Variants in ZNF202 observed in about 807,000 individuals in gnomAD.
The protein encoded by ZNF202 is zinc finger protein with KRAB and SCAN domains 10.
A neutral mutation model predicts 54.5 loss-of-function variants in ZNF202; 22 were observed. The ratio of observed to expected loss-of-function variants is 0.40; its 90% CI spans 0.29 to 0.58. The LOEUF is 0.58. Ranked by LOEUF, ZNF202 falls within the 20% of genes least tolerant of loss-of-function variation. The probability of loss-of-function intolerance (pLI) is 0.39; values close to 1 mark genes in which losing one functional copy is unlikely to be tolerated. For synonymous variants in ZNF202, 294 were observed against 301.4 expected, an observed-to-expected ratio of 0.98 and a Z score of 0.26; for missense variants, 644 against 805.5, an observed-to-expected ratio of 0.80 and a Z score of 2.43.
rs1861127348 is a variant in ZNF202 at position 123,726,221 on chromosome 11, T to C, written c.1723A>G (p.Thr575Ala). 1 of 1,614,168 alleles carries C rather than the reference T, an allele frequency of 6.2e-7. No individual in the cohort carries two copies. Among genetic ancestry groups the C allele is most frequent in the Non-Finnish European group, 8.5e-7 (1 of 1,180,030 alleles). ...TGCTTGGCGAACGCTGCGCTGTGGG[T>C]GAAGCAGCGCCCGCACTCGCTGCAG... Reference protein sequence around the residue: ...YLCSECGRCFTHSAAFAKHLR... With the variant: ...YLCSECGRCFAHSAAFAKHLR... Residue 575 changes from threonine to alanine, a missense_variant, in exon 9 of 9, where the codon ACC becomes GCC. Physicochemically the swap from Thr to Ala is moderately conservative, Grantham distance 58. Coordinates refer to ENST00000530393, the MANE Select transcript of ZNF202 (RefSeq NM_003455.4). The surrounding 1 kb of genome is among the most constrained non-coding windows in gnomAD (Gnocchi z 6.0).
In ZNF202 at chr11:123,725,961, A is replaced by G; in HGVS notation, c.*36T>C. The stretch of plus-strand genomic sequence containing the variant: ...TCCTCTTCCTCACCTCCCTTAGGTG[A>G]GGGCTGAAAGCAGATCTCCTCACAT... On this transcript the variant is annotated 3_prime_UTR_variant, in exon 9 of 9. Transcript: ENST00000530393. 1 of 1,574,538 alleles carries G rather than the reference A, an allele frequency of 6.4e-7. No individual in the cohort carries two copies.
Position 123,730,306 on chromosome 11 carries a change from T to C in ZNF202, c.402+181A>G, listed in dbSNP as rs1861350476. On this transcript the variant is annotated intron_variant, in intron 4 of 8. Transcript: ENST00000530393. This position sits in a 1 kb window ranked among gnomAD's most constrained non-coding sequence, Gnocchi z 6.0. ...TGGTCCCTATACAGGTGTTCCAATATCCAGAAAGTCACATTCATACACACA... is the reference window on the plus strand; with the variant it reads ...TGGTCCCTATACAGGTGTTCCAATACCCAGAAAGTCACATTCATACACACA... Among the ~76,000 whole-genome samples the C allele has an allele frequency of 6.6e-6, 1 of 152,076 alleles. No individual in the cohort carries two copies. The highest frequency in any genetic ancestry group is 2.4e-5 in the African/African-American group (1 of 41,418).
chr11:123,737,533 T>G (rs1207432607), intron 3 of ZNF202, among the ~76,000 whole-genome samples: 1 of 152,132 alleles, frequency 6.6e-6, no homozygotes, highest in East Asian at 1.9e-4. Flanking sequence ...AAGTATGTAG[T>G]GGATAGTACA....
chr11:123,728,900 T>C (rs564986812), intron 6 of ZNF202, among the ~76,000 whole-genome samples: 99 of 152,328 alleles, frequency 6.5e-4, no homozygotes, highest in Non-Finnish European at 1.2e-3. Flanking sequence ...CCCATTTTGT[T>C]AGTTCTTCTA....
chr11:123,741,378 C>T (rs992808999), intron 1 of ZNF202, among the ~76,000 whole-genome samples, 171 bp downstream of exon 1: 2 of 152,114 alleles, frequency 1.3e-5, no homozygotes, highest in African/African-American at 4.8e-5. Context: ...AACGTCTCGG[C>T]ACCCTCAGTA....
Position 123,725,704 on chromosome 11 carries a change from A to C in ZNF202, c.*293T>G. 1 of 344,082 alleles carries C rather than the reference A, an allele frequency of 2.9e-6. No individual in the cohort carries two copies. Among genetic ancestry groups the C allele is most frequent in the Non-Finnish European group, 5.3e-6 (1 of 188,518 alleles). The allele number at this position is 344,082 out of a possible 1,614,324, so 21.3% of individuals were successfully genotyped here. On this transcript the variant is annotated 3_prime_UTR_variant, in exon 9 of 9. Transcript: ENST00000530393. ...GACGATATAGGAACCACGACCTCTT[A>C]AGTCTCTTAGTTCTCCTACTTTATA...
intron 3 of ZNF202, among the ~76,000 whole-genome samples, chr11:123,732,613 C>T (rs879545203): frequency 2.0e-5 from 3 of 152,132 alleles, no homozygotes; most frequent in Non-Finnish European, 4.4e-5. Flanking sequence ...TAAGTCCTCC[C>T]GTAGTGACCT....
intron 6 of ZNF202, 103 bp downstream of exon 6, chr11:123,729,023 G>T: frequency 1.7e-6 from 2 of 1,155,144 alleles, no homozygotes. Context: ...GCTTAAAACT[G>T]GCAAGAGTGT....
At chr11:123,737,757 G>C (rs570095232) in intron 3 of ZNF202, among the ~76,000 whole-genome samples, 177 of 152,314 alleles carry the variant, frequency 1.2e-3, no homozygotes, top group Non-Finnish European at 1.9e-3. Context: ...TGCCTTCGGC[G>C]GAGGGTGACC....
rs559515955 is a variant in ZNF202, at chr11:123,736,795, T to C, written c.-98+3322A>G. Among the ~76,000 whole-genome samples the C allele has an allele frequency of 3.3e-5, 5 of 152,262 alleles. No individual in the cohort carries two copies. The East Asian group carries it at 9.7e-4, about 29-fold the overall frequency. On this transcript the variant is annotated intron_variant, in intron 3 of 8. Transcript: ENST00000530393. ...TCAAAAATGTGGCTAATACTACTTATCTCATGTGGTTGTTTTAAGGAGTAA... is the reference window on the plus strand; with the variant it reads ...TCAAAAATGTGGCTAATACTACTTACCTCATGTGGTTGTTTTAAGGAGTAA...
chr11:123,732,428 A>C (rs1266858791), intron 3 of ZNF202, among the ~76,000 whole-genome samples: 3 of 152,218 alleles, frequency 2.0e-5, no homozygotes, highest in Non-Finnish European at 1.5e-5. Context: ...GTGTACATGC[A>C]AAGCACACAA....
Position 123,726,925 on chromosome 11 carries a change from C to T in ZNF202, c.1019G>A (p.Arg340Lys), listed in dbSNP as rs1185912007. ...QEDLSLEDIH[R>K]PVLGEPEIHQ... ...AATTTCTGGTTCTCCCAAAACAGGC[C>T]TGTGTATATCCTCCAAACTCAGATC... Residue 340 changes from arginine (R) to lysine (K), a missense_variant, in exon 9 of 9, where the codon AGG (arginine) becomes AAG (lysine). This residue lies in a region of ZNF202 where 536 missense variants were observed against 635.3 expected (regional missense o/e 0.84). Coordinates refer to ENST00000530393, the MANE Select transcript of ZNF202 (RefSeq NM_003455.4). This position sits in a 1 kb window ranked among gnomAD's most constrained non-coding sequence, Gnocchi z 6.0. 1 of 1,613,930 alleles carries T rather than the reference C, an allele frequency of 6.2e-7. No individual in the cohort carries two copies. The highest frequency in any genetic ancestry group is 2.2e-5 in the East Asian group (1 of 44,890).
In ZNF202 at chr11:123,727,878, G is replaced by A. The variant is rs545441700; in HGVS notation, c.832+255C>T. Among the ~76,000 whole-genome samples the A allele has an allele frequency of 4.1e-4, 62 of 152,256 alleles. 1 individual carries two copies. The South Asian group carries it at 0.012, about 30-fold the overall frequency. ...CAACTCTTACTGTTTTAAAACTCAT[G>A]TGCTTACTTCAAATATTTCTGCACT... On this transcript the variant is annotated intron_variant, in intron 7 of 8. Transcript: ENST00000530393.
intron 3 of ZNF202, among the ~76,000 whole-genome samples, chr11:123,737,598 C>G (rs1333231971): frequency 6.6e-6 from 1 of 151,992 alleles, no homozygotes; most frequent in Non-Finnish European, 1.5e-5. Flanking sequence ...TGGTTAGCCT[C>G]AAGATATTAG....
Position 123,724,773 on chromosome 11 carries a change from A to C in ZNF202, c.*1224T>G, listed in dbSNP as rs925818360. 4 of 152,214 alleles carry C rather than the reference A, an allele frequency of 2.6e-5. No individual in the cohort carries two copies. The highest frequency in any genetic ancestry group is 5.9e-5 in the Non-Finnish European group (4 of 68,050). 9.4% of individuals were successfully genotyped at this position (152,214 alleles called of 1,614,324 possible). On this transcript the variant is annotated 3_prime_UTR_variant, in exon 9 of 9. Coordinates refer to ENST00000530393, the MANE Select transcript of ZNF202 (RefSeq NM_003455.4). ...AAAATCACGTAAGAAAAAGCAAACA[A>C]CACAAATACATGAAAGCCATTTACT...
Position 123,725,949 on chromosome 11 carries a change from C to T in ZNF202, c.*48G>A, listed in dbSNP as rs760103204. ...CAAGAGGGCTTTTCCTCTTCCTCAC[C>T]TCCCTTAGGTGAGGGCTGAAAGCAG... On this transcript the variant is annotated 3_prime_UTR_variant, in exon 9 of 9. Coordinates refer to ENST00000530393, the MANE Select transcript of ZNF202 (RefSeq NM_003455.4). The T allele has an allele frequency of 1.3e-6, 2 of 1,550,038 alleles. No individual in the cohort carries two copies. Among genetic ancestry groups the T allele is most frequent in the Non-Finnish European group, 8.7e-7 (1 of 1,150,100 alleles).
rs1316715914 is a variant in ZNF202 at position 123,730,400 on chromosome 11, G to A, written c.402+87C>T. 12 of 1,456,400 alleles carry A rather than the reference G, an allele frequency of 8.2e-6. No homozygotes were observed. Among genetic ancestry groups the A allele is most frequent in the Non-Finnish European group, 8.2e-6 (9 of 1,101,274 alleles). The allele number at this position is 1,456,400 out of a possible 1,614,324, so 90.2% of individuals were successfully genotyped here. A position where few individuals can be genotyped will look rare whatever the true frequency, so the allele number is the denominator to read the frequency against. On this transcript the variant is annotated intron_variant, in intron 4 of 8. Transcript: ENST00000530393. The surrounding 1 kb of genome is among the most constrained non-coding windows in gnomAD (Gnocchi z 6.0). ...GGGCAGAGCCCACTAATAATTTATG[G>A]GGATCCTGCAAGCTCTCCCCGCAAA...
At chr11:123,728,291 C>T (rs749830371) in intron 6 of ZNF202, 29 bp from the exon 7 acceptor site, 12 of 1,588,722 alleles carry the variant, frequency 7.6e-6, no homozygotes, top group East Asian at 2.3e-5. Context: ...TTCATCAAAA[C>T]GTGATGCTAC....
chr11:123,728,181 A>G lies in ZNF202; in HGVS notation c.784T>C (p.Tyr262His). 6.2e-7 allele frequency: 1 copy of G among 1,613,118 alleles called. No individual in the cohort carries two copies. The highest frequency in any genetic ancestry group is 8.5e-7 in the Non-Finnish European group (1 of 1,179,384). The change falls in exon 7 of 9, where the codon TAT (tyrosine) becomes CAT (histidine). Residue 262 changes from tyrosine to histidine, a missense_variant. Physicochemically the swap from Tyr to His is moderately conservative, Grantham distance 83. Around this residue, in one of 3 missense-constraint regions of ZNF202, gnomAD observed 536 missense variants for 635.3 expected, o/e 0.84. Coordinates refer to ENST00000530393, the MANE Select transcript of ZNF202 (RefSeq NM_003455.4). Reference protein sequence around the residue: ...SDLDPTQKEFYGEYVLEEDCG... With the variant: ...SDLDPTQKEFHGEYVLEEDCG... ...TCTTCTTCCAAGACATATTCTCCAT[A>G]GAACTCTTTCTGTGTTGGGTCCAGA...
Sources: gnomAD v4.1 joint callset for allele counts (sites outside exome capture counted in the v4.1 genomes callset) on GRCh38, gnomAD v4.1.1 for gene constraint, gnomAD v4.1.1 regional missense constraint, Gnocchi (gnomAD v3.1) non-coding constraint, MANE v1.5 for transcripts, NCBI Gene and HGNC (gene_info 2026-07-23, HGNC 2026-07-21) for gene names.